TRPC3: variants seen among roughly 807,000 people sequenced by gnomAD.
TRPC3 encodes the protein short transient receptor potential channel 3.
In TRPC3, 54 loss-of-function variants were observed where a neutral mutation model predicts 90.9. The ratio of observed to expected loss-of-function variants is 0.59; its 90% CI spans 0.48 to 0.75. The LOEUF is 0.75. Ranked by LOEUF, TRPC3 falls within the 30% of genes least tolerant of loss-of-function variation. The pLI is 0.00. For missense variants in TRPC3, 918 were observed against 1,194.5 expected (o/e 0.77, Z 3.41); for synonymous variants, 424 against 450.9 (o/e 0.94, Z 0.75).
chr4:121,905,048 T>C (rs1459553169), intron 7 of TRPC3, among the ~76,000 whole-genome samples: 1 of 152,092 alleles, frequency 6.6e-6, no homozygotes, highest in African/African-American at 2.4e-5. Flanking sequence ...TGGAATGCTA[T>C]GCAGTCACTG....
Position 121,932,714 on chromosome 4 carries a change from C to G in TRPC3, c.544G>C (p.Ala182Pro), listed in dbSNP as rs1211984456. The change falls in exon 2 of 12, where the codon GCC (alanine) becomes CCC (proline). Residue 182 changes from alanine to proline, a missense_variant. Around this residue, in one of 4 missense-constraint regions of TRPC3, gnomAD observed 609 missense variants for 725.9 expected, o/e 0.84. Transcript: ENST00000379645. The surrounding 1 kb of genome is among the most constrained non-coding windows in gnomAD (Gnocchi z 7.7). ...LARIGDALLL[A>P]ISKGYVRIVE... ...ATGCGCACGTAGCCCTTGCTGATGG[C>G]GAGCAGCAGGGCGTCGCCAATGCGC... The G allele has an allele frequency of 6.2e-7, 1 of 1,613,804 alleles. No homozygotes were observed. Among genetic ancestry groups the G allele is most frequent in the Non-Finnish European group, 8.5e-7 (1 of 1,179,816 alleles).
intron 1 of TRPC3, chr4:121,950,815 G>A (rs1730698764): frequency 6.6e-6 from 1 of 152,262 alleles, no homozygotes; most frequent in Non-Finnish European, 1.5e-5. Flanking sequence ...CTCCCTCAGG[G>A]GACCCTATAG....
At chr4:121,902,731 T>A in intron 9 of TRPC3, 121 bp downstream of exon 9, 2 of 730,610 alleles carry the variant, frequency 2.7e-6, no homozygotes. Flanking sequence ...GACTGTGGAC[T>A]AGACAGTTAC....
At chr4:121,891,093 G>T (rs1728311448) in intron 10 of TRPC3, among the ~76,000 whole-genome samples, 1 of 152,116 alleles carries the variant, frequency 6.6e-6, no homozygotes, top group African/African-American at 2.4e-5. Flanking sequence ...AAAAGATAAA[G>T]ATATTTGGGG....
intron 3 of TRPC3, among the ~76,000 whole-genome samples, chr4:121,921,147 G>C (rs1486538752): frequency 6.6e-6 from 1 of 152,170 alleles, no homozygotes; most frequent in Non-Finnish European, 1.5e-5. Flanking sequence ...GGAAAGACCA[G>C]ATCTCTGGGA....
chr4:121,950,258 C>T (rs966569023), intron 1 of TRPC3, among the ~76,000 whole-genome samples: 1 of 152,106 alleles, frequency 6.6e-6, no homozygotes, highest in African/African-American at 2.4e-5. Flanking sequence ...CCTGACCAGG[C>T]GCAGACTCTG....
intron 2 of TRPC3, among the ~76,000 whole-genome samples, chr4:121,928,501 A>AGG (rs1729792633): frequency 6.6e-6 from 1 of 152,228 alleles, no homozygotes; most frequent in African/African-American, 2.4e-5. Context: ...GTTCACATTG[A>AGG]CTGTTAGTTC....
chr4:121,903,528 G>C (rs549455251), intron 8 of TRPC3, among the ~76,000 whole-genome samples: 1 of 152,156 alleles, frequency 6.6e-6, no homozygotes, highest in South Asian at 2.1e-4. Flanking sequence ...ATTGCTTTTC[G>C]GCATTTCTGT....
intron 2 of TRPC3, among the ~76,000 whole-genome samples, chr4:121,928,134 T>A (rs1442267537): frequency 2.0e-5 from 3 of 152,318 alleles, no homozygotes; most frequent in South Asian, 4.1e-4. Context: ...AGTACCCACA[T>A]CTGTAGTAAT....
At chr4:121,910,055 AC>A in intron 6 of TRPC3, 98 bp downstream of exon 6, 1 of 856,694 alleles carries the variant, frequency 1.2e-6, no homozygotes, top group South Asian at 1.6e-5. Context: ...TATTCAATAC[AC>A]CTCTCATACT....
chr4:121,914,979 AAAGGT>A, intron 3 of TRPC3, 35 bp from the exon 4 acceptor site: 1 of 1,558,362 alleles, frequency 6.4e-7, no homozygotes, highest in South Asian at 1.2e-5. Context: ...AAGGGGAGAG[AAAGGT>A]AAGTTACCAT....
At chr4:121,941,672 C>T (rs1283195525) in intron 1 of TRPC3, among the ~76,000 whole-genome samples, 1 of 152,172 alleles carries the variant, frequency 6.6e-6, no homozygotes, top group Non-Finnish European at 1.5e-5. Flanking sequence ...ATCTCCCTGG[C>T]AAGCAGGCAC....
At chr4:121,921,288 C>T (rs1729493429) in intron 3 of TRPC3, among the ~76,000 whole-genome samples, 1 of 151,662 alleles carries the variant, frequency 6.6e-6, no homozygotes, top group Admixed American at 6.6e-5. Flanking sequence ...TTTGGGAGGC[C>T]GAGGCGGGCG....
intron 2 of TRPC3, among the ~76,000 whole-genome samples, chr4:121,927,753 C>T (rs1729769505): frequency 6.6e-6 from 1 of 152,076 alleles, no homozygotes; most frequent in Non-Finnish European, 1.5e-5. Flanking sequence ...AATCCTTTTC[C>T]CTTCGTAAGG....
At position 121,925,044 on chromosome 4, in the gene TRPC3, G is replaced by A. The variant is rs1729655682; in HGVS notation, c.1150C>T (p.Leu384Phe). 2.5e-6 allele frequency: 4 copies of A among 1,613,220 alleles called. No homozygotes were observed. Among genetic ancestry groups the A allele is most frequent in the Non-Finnish European group, 2.5e-6 (3 of 1,179,744 alleles). ...RHKASLSRVK[L>F]AIKYEVKKFV... ...TTTTTGACTTCATACTTAATGGCAA[G>A]TTTGACACGACTTAATGAAGCTTTG... Residue 384 changes from leucine to phenylalanine, a missense_variant, in exon 3 of 12, where the codon CTT becomes TTT. By Grantham distance (22) the Leu-to-Phe change is conservative (BLOSUM62 0). Coordinates refer to ENST00000379645, the MANE Select transcript of TRPC3 (RefSeq NM_001130698.2).
chr4:121,933,084 C>T (rs759676467), intron 1 of TRPC3, 42 bp from the exon 2 acceptor site: 34 of 1,516,258 alleles, frequency 2.2e-5, no homozygotes, highest in Non-Finnish European at 2.9e-5. Flanking sequence ...AATATTAGGG[C>T]ACATTCCTTC....
At chr4:121,908,568 T>C (rs1188689562) in intron 6 of TRPC3, among the ~76,000 whole-genome samples, 1 of 152,108 alleles carries the variant, frequency 6.6e-6, no homozygotes, top group Non-Finnish European at 1.5e-5. Flanking sequence ...AAAAATCATG[T>C]CCTTTGCAGC....
At chr4:121,908,995 A>C (rs1189449427) in intron 6 of TRPC3, among the ~76,000 whole-genome samples, 1 of 152,188 alleles carries the variant, frequency 6.6e-6, no homozygotes, top group Non-Finnish European at 1.5e-5. Context: ...AAAGATTAAA[A>C]ATTGATCAAA....
Position 121,914,804 on chromosome 4 carries a change from G to A in TRPC3, c.1317C>T (p.Gly439=), listed in dbSNP as rs771653903. The A allele has an allele frequency of 8.1e-6, 13 of 1,612,444 alleles. No homozygotes were observed. Among genetic ancestry groups the A allele is most frequent in the Middle Eastern group, 1.7e-4 (1 of 6,060 alleles). The part of the protein sequence containing the change: ...VALGLPFLAI[G]YWIAPCSRLG... ...CCCTGCTGCAAGGTGCGATCCAGTA[G>A]CCAATGGCCAGGAATGGAAGGCCCA... The change falls in exon 4 of 12, where the codon GGC becomes GGT. Residue 439 remains glycine, a synonymous_variant. Coordinates refer to ENST00000379645, the MANE Select transcript of TRPC3 (RefSeq NM_001130698.2).
Sources: gnomAD v4.1 joint callset for allele counts (sites outside exome capture counted in the v4.1 genomes callset) on GRCh38, gnomAD v4.1.1 for gene constraint, gnomAD v4.1.1 regional missense constraint, Gnocchi (gnomAD v3.1) non-coding constraint, MANE v1.5 for transcripts, NCBI Gene and HGNC (gene_info 2026-07-23, HGNC 2026-07-21) for gene names.